The following RALGPS1 variants were observed in gnomAD, a reference collection of about 807,000 sequenced individuals.
RALGPS1 encodes Ral GEF with PH domain and SH3 binding motif 1.
Under a neutral mutation model 78.8 loss-of-function variants are expected in RALGPS1, and 19 were observed. The observed-to-expected ratio is 0.24, with a 90% CI of 0.17 to 0.35. The LOEUF (loss-of-function observed/expected upper bound fraction) is 0.35, where lower values mean the gene tolerates loss of function less well. Among genes scored for constraint, RALGPS1 ranks in the 10% least tolerant of loss-of-function variants. The pLI is 1.00. For missense variants in RALGPS1, 454 were observed against 688.3 expected (o/e 0.66, Z 3.81); for synonymous variants, 228 against 256.3 (o/e 0.89, Z 1.06).
intron 7 of RALGPS1, among the ~76,000 whole-genome samples, chr9:127,062,630 A>C (rs746113319): frequency 2.0e-5 from 3 of 152,248 alleles, no homozygotes; most frequent in Non-Finnish European, 2.9e-5. Context: ...GTAGCATTTT[A>C]TGAGGCATAA....
chr9:126,985,042 C>G (rs1216594573), intron 4 of RALGPS1, among the ~76,000 whole-genome samples: 1 of 152,172 alleles, frequency 6.6e-6, no homozygotes, highest in Non-Finnish European at 1.5e-5. Flanking sequence ...CTTGTCATAC[C>G]TTCACTGTGG....
chr9:126,973,553 C>T (rs1157001802), intron 3 of RALGPS1, among the ~76,000 whole-genome samples: 1 of 152,126 alleles, frequency 6.6e-6, no homozygotes, highest in Non-Finnish European at 1.5e-5. Flanking sequence ...TGGGACAAGT[C>T]ACATTGAAGA....
intron 2 of RALGPS1, 72 bp from the exon 3 acceptor site, chr9:126,965,772 C>T (rs112868292): frequency 3.2e-5 from 37 of 1,161,618 alleles, no homozygotes; most frequent in African/African-American, 2.9e-4. Flanking sequence ...TCCTGAATTC[C>T]GAGGAGGTTT....
chr9:127,196,584 G>A lies in RALGPS1; in HGVS notation c.1148G>A (p.Gly383Asp). The change falls in exon 13 of 19, where the codon GGC becomes GAC. Residue 383 changes from glycine to aspartate, a missense_variant. Transcript: ENST00000259351. ...SVLESRSPRR[G>D]LALTSSSAVT... ...CTAGAGTCCCGCAGCCCCCGAAGGG[G>A]CCTGGCTCTGACCTCCTCCTCTGCT... The A allele has an allele frequency of 6.2e-7, 1 of 1,613,652 alleles. No individual in the cohort carries two copies. The highest frequency in any genetic ancestry group is 8.5e-7 in the Non-Finnish European group (1 of 1,179,716).
At chr9:126,998,850 G>A (rs879475627) in intron 4 of RALGPS1, among the ~76,000 whole-genome samples, 2 of 151,570 alleles carry the variant, frequency 1.3e-5, no homozygotes, top group Non-Finnish European at 2.9e-5. Context: ...AAAAAATGAT[G>A]AGTTCATGTC....
intron 1 of RALGPS1, among the ~76,000 whole-genome samples, chr9:126,927,229 G>A (rs905801397): frequency 6.6e-6 from 1 of 152,302 alleles, no homozygotes; most frequent in East Asian, 1.9e-4. Context: ...CTGAAGTTGT[G>A]TCATAGGAGA....
At chr9:126,952,652 A>AGTGT (rs768212640) in intron 1 of RALGPS1, among the ~76,000 whole-genome samples, 5,031 of 121,892 alleles carry the variant, frequency 0.041, 138 homozygotes, top group Non-Finnish European at 0.062. Context: ...AGAGAGAGAG[A>AGTGT]GAGAGTGTGT....
At position 127,197,606 on chromosome 9, in the gene RALGPS1, C is replaced by G. The variant is rs1023072355; in HGVS notation, c.1195+975C>G. 2.5e-4 allele frequency among the ~76,000 whole-genome samples: 38 copies of G among 152,260 alleles called. 1 individual carries two copies. The highest frequency in any genetic ancestry group is 3.4e-3 in the Middle Eastern group (1 of 294). ...GCATGGGCAATATCAGTCCAGGGGT[C>G]GCTGTCTCCCACGCCCTGGAAGTCT... On this transcript the variant is annotated intron_variant, in intron 13 of 18. Transcript: ENST00000259351.
At position 127,168,707 on chromosome 9, in the gene RALGPS1, G is replaced by A; in HGVS notation, c.777G>A (p.Gln259=). ...ACCTCACCACCCTGCCCCATGTGCA[G>A]AAGTACCTGAAGTCCGTACGCTACA... The part of the protein sequence containing the change: ...YDHLTTLPHV[Q]KYLKSVRYIE... The change falls in exon 10 of 19, where the codon CAG becomes CAA. Residue 259 remains glutamine, a synonymous_variant. Transcript: ENST00000259351. The A allele has an allele frequency of 6.2e-7, 1 of 1,613,848 alleles. No homozygotes were observed. Among genetic ancestry groups the A allele is most frequent in the African/African-American group, 1.3e-5 (1 of 75,058 alleles).
intron 8 of RALGPS1, among the ~76,000 whole-genome samples, chr9:127,100,798 C>G (rs1166119593): frequency 6.6e-6 from 1 of 152,232 alleles, no homozygotes; most frequent in African/African-American, 2.4e-5. Context: ...TGTATTAACC[C>G]TTTCCAAGGA....
intron 1 of RALGPS1, among the ~76,000 whole-genome samples, chr9:126,926,661 G>A (rs2035309707): frequency 6.6e-6 from 1 of 152,146 alleles, no homozygotes; most frequent in Non-Finnish European, 1.5e-5. Context: ...GCTCTAAGAG[G>A]AGAGAAGGAT....
intron 8 of RALGPS1, among the ~76,000 whole-genome samples, chr9:127,086,235 G>A (rs1270665983): frequency 6.6e-6 from 1 of 152,206 alleles, no homozygotes; most frequent in Non-Finnish European, 1.5e-5. Context: ...ATGCCACTTG[G>A]TCATTAGGTA....
intron 1 of RALGPS1, among the ~76,000 whole-genome samples, 181 bp from the exon 2 acceptor site, chr9:126,962,044 C>T (rs1424554759): frequency 2.0e-5 from 3 of 152,142 alleles, no homozygotes; most frequent in East Asian, 3.8e-4. Context: ...AATATTAATA[C>T]CCTGTACAAG....
intron 8 of RALGPS1, among the ~76,000 whole-genome samples, chr9:127,150,118 C>A (rs535247330): frequency 1.3e-5 from 2 of 152,366 alleles, no homozygotes; most frequent in South Asian, 4.1e-4. Context: ...TCCCTTTCCT[C>A]TTCTGTAAAA....
At chr9:126,979,961 TAA>T (rs1204067547) in intron 4 of RALGPS1, among the ~76,000 whole-genome samples, 1 of 152,154 alleles carries the variant, frequency 6.6e-6, no homozygotes, top group Non-Finnish European at 1.5e-5. Flanking sequence ...CCCTATTTTG[TAA>T]AAGTTTCCCA....
At chr9:126,931,992 T>TC (rs2035836250) in intron 1 of RALGPS1, among the ~76,000 whole-genome samples, 1 of 151,994 alleles carries the variant, frequency 6.6e-6, no homozygotes, top group African/African-American at 2.4e-5. Context: ...TTTTTTTTTT[T>TC]TCACTAGTGC....
chr9:127,041,031 T>TGTG (rs71493874), intron 5 of RALGPS1, among the ~76,000 whole-genome samples: 5 of 135,826 alleles, frequency 3.7e-5, no homozygotes, highest in Admixed American at 7.3e-5. Context: ...CTACAAACAT[T>TGTG]TGTGTGTGTG....
chr9:126,962,940 G>A (rs1296744494), intron 2 of RALGPS1, among the ~76,000 whole-genome samples: 1 of 152,214 alleles, frequency 6.6e-6, no homozygotes, highest in Non-Finnish European at 1.5e-5. Flanking sequence ...CCATACCAGG[G>A]TTTGAGCCCA....
chr9:127,210,680 C>G, intron 14 of RALGPS1: 1 of 1,545,104 alleles, frequency 6.5e-7, no homozygotes, highest in Non-Finnish European at 8.8e-7. Context: ...AAAATTTAAC[C>G]CTTTTCCTCT....
Sources: allele counts gnomAD v4.1 joint callset (sites outside exome capture counted in the v4.1 genomes callset), GRCh38; gene constraint gnomAD v4.1.1; transcripts MANE v1.5; gene names NCBI Gene and HGNC (gene_info 2026-07-23, HGNC 2026-07-21).